PDZD2: variants seen among roughly 807,000 people sequenced by gnomAD.
PDZD2 encodes the protein PDZ domain-containing protein 2.
In PDZD2, 90 loss-of-function variants were observed where a neutral mutation model predicts 220.7. The ratio of observed to expected loss-of-function variants is 0.41; its 90% CI spans 0.34 to 0.49. PDZD2 has a LOEUF of 0.49. Among genes scored for constraint, PDZD2 ranks in the 20% least tolerant of loss-of-function variants. The pLI is 0.28. For missense variants in PDZD2, 3,174 were observed against 3,608.5 expected (o/e 0.88, Z 3.08); for synonymous variants, 1,375 against 1,450.5 (o/e 0.95, Z 1.18).
At chr5:31,881,342 G>A (rs1259612179) in intron 2 of PDZD2, among the ~76,000 whole-genome samples, 9 of 136,118 alleles carry the variant, frequency 6.6e-5, no homozygotes, top group Middle Eastern at 3.5e-3. Context: ...GTGTGTGTGT[G>A]TGTGTGTGTG....
chr5:31,987,953 T>C (rs1750842481), intron 3 of PDZD2, among the ~76,000 whole-genome samples: 1 of 152,184 alleles, frequency 6.6e-6, no homozygotes, highest in African/African-American at 2.4e-5. Context: ...CCTTTTGAAA[T>C]CCTGCAGCTC....
intron 2 of PDZD2, among the ~76,000 whole-genome samples, chr5:31,977,909 G>C (rs781523883): frequency 6.6e-5 from 10 of 152,194 alleles, no homozygotes; most frequent in Non-Finnish European, 1.2e-4. Context: ...GGGAGGTGGA[G>C]GCTGCAGTGA....
At chr5:31,702,817 G>A (rs1244863215) in intron 1 of PDZD2, among the ~76,000 whole-genome samples, 1 of 152,234 alleles carries the variant, frequency 6.6e-6, no homozygotes, top group Non-Finnish European at 1.5e-5. Context: ...ACCAGTGGCT[G>A]TTGCTAACAG....
At chr5:31,809,978 C>T (rs1250292049) in intron 2 of PDZD2, among the ~76,000 whole-genome samples, 1 of 152,166 alleles carries the variant, frequency 6.6e-6, no homozygotes, top group Non-Finnish European at 1.5e-5. Flanking sequence ...AACCCAAATA[C>T]CTACATAAGA....
intron 2 of PDZD2, chr5:31,923,312 T>G (rs1277003398): frequency 1.9e-5 from 13 of 699,994 alleles, no homozygotes; most frequent in Non-Finnish European, 3.3e-5. Context: ...CCCTTTCGGA[T>G]TCCCGATGCG....
intron 1 of PDZD2, among the ~76,000 whole-genome samples, chr5:31,668,510 C>T (rs1746090813): frequency 6.6e-6 from 1 of 152,196 alleles, no homozygotes; most frequent in Admixed American, 6.5e-5. Context: ...GCTAATAAAT[C>T]CTTTGAAATC....
chr5:31,703,636 A>T (rs565152589), intron 1 of PDZD2, among the ~76,000 whole-genome samples: 1 of 152,096 alleles, frequency 6.6e-6, no homozygotes, highest in Non-Finnish European at 1.5e-5. Context: ...AACTTTAATT[A>T]AAAAAAGAAA....
At chr5:31,784,569 G>T (rs1425962978) in intron 1 of PDZD2, among the ~76,000 whole-genome samples, 4 of 152,156 alleles carry the variant, frequency 2.6e-5, no homozygotes, top group African/African-American at 9.7e-5. Flanking sequence ...ATAGAAGGGG[G>T]GTGGTCAGTG....
rs78063808 is a variant in PDZD2 at position 32,041,109 on chromosome 5, C to G, written c.1519+3767C>G. Among the ~76,000 whole-genome samples the G allele has an allele frequency of 1.4e-5, 2 of 142,178 alleles. 1 individual carries two copies. The highest frequency in any genetic ancestry group is 3.0e-5 in the Non-Finnish European group (2 of 65,906). 93.3% of individuals were successfully genotyped at this position (142,178 alleles called of 152,430 possible). A position where few individuals can be genotyped will look rare whatever the true frequency, so the allele number is the denominator to read the frequency against. Reference sequence around the variant, plus strand: ...GCCGCCCCATCTAGGAAGCGGGGAGCGCCTCTGCCCGGCCGCCCCGTCTGG... The same window carrying G: ...GCCGCCCCATCTAGGAAGCGGGGAGGGCCTCTGCCCGGCCGCCCCGTCTGG... On this transcript the variant is annotated intron_variant, in intron 7 of 24. Transcript: ENST00000438447.
At chr5:31,929,961 G>T (rs1405238872) in intron 2 of PDZD2, among the ~76,000 whole-genome samples, 2 of 152,082 alleles carry the variant, frequency 1.3e-5, no homozygotes, top group Non-Finnish European at 2.9e-5. Flanking sequence ...GTGAGTTCTT[G>T]CTTAGTTAAT....
chr5:31,659,131 C>A lies in PDZD2; in HGVS notation c.-361+19694C>A, dbSNP rs141735265. Among the ~76,000 whole-genome samples, 270 of 152,278 alleles carry A rather than the reference C, an allele frequency of 1.8e-3. 5 individuals carry two copies. In the East Asian group the frequency reaches 0.033, roughly 19 times the overall value. ...CTCTGACACCACTTCTCAGACACTG[C>A]TTTTCTCCTACCTCTTTAAATAATA... On this transcript the variant is annotated intron_variant, in intron 1 of 24. Transcript: ENST00000438447.
intron 2 of PDZD2, among the ~76,000 whole-genome samples, chr5:31,952,306 A>T (rs879707460): frequency 2.0e-5 from 3 of 152,212 alleles, no homozygotes; most frequent in Non-Finnish European, 4.4e-5. Context: ...TGAAATAATT[A>T]TGTGATGGGA....
At chr5:32,036,860 G>A (rs73072266) in intron 6 of PDZD2, among the ~76,000 whole-genome samples, 2,461 of 152,366 alleles carry the variant, frequency 0.016, 64 homozygotes, top group African/African-American at 0.056. Flanking sequence ...GGCTTGCGTT[G>A]TAGCTTTGTC....
At chr5:31,707,374 T>C (rs772885734) in intron 1 of PDZD2, among the ~76,000 whole-genome samples, 42 of 151,640 alleles carry the variant, frequency 2.8e-4, no homozygotes, top group Admixed American at 3.9e-4. Context: ...GAAGAAGAGG[T>C]AGAGAAACCA....
At chr5:32,070,523 C>T (rs1740638897) in intron 15 of PDZD2, among the ~76,000 whole-genome samples, 1 of 152,194 alleles carries the variant, frequency 6.6e-6, no homozygotes, top group Admixed American at 6.5e-5. Flanking sequence ...GTCCCTTCTG[C>T]TTCATGGCAT....
At chr5:31,923,015 G>A (rs62363760) in intron 2 of PDZD2, among the ~76,000 whole-genome samples, 10,276 of 151,732 alleles carry the variant, frequency 0.068, 359 homozygotes, top group Non-Finnish European at 0.076. Flanking sequence ...CTTGCAGGCC[G>A]GGCGTGGTGG....
chr5:32,084,015 C>A, intron 19 of PDZD2, among the ~76,000 whole-genome samples: 1 of 152,164 alleles, frequency 6.6e-6, no homozygotes, highest in Non-Finnish European at 1.5e-5. Context: ...AAATCCCCTC[C>A]TTTTGTGTCA....
At chr5:31,846,209 C>T (rs1218368473) in intron 2 of PDZD2, among the ~76,000 whole-genome samples, 1 of 152,240 alleles carries the variant, frequency 6.6e-6, no homozygotes, top group Non-Finnish European at 1.5e-5. Flanking sequence ...TCTCGCCTCA[C>T]TGCAACCTCC....
chr5:31,746,593 T>A (rs987050515), intron 1 of PDZD2, among the ~76,000 whole-genome samples: 7 of 152,042 alleles, frequency 4.6e-5, no homozygotes, highest in Admixed American at 4.6e-4. Flanking sequence ...GTAAAAGGGG[T>A]GCTATTATCC....
Sources: gnomAD v4.1 joint callset for allele counts (sites outside exome capture counted in the v4.1 genomes callset) on GRCh38, gnomAD v4.1.1 for gene constraint, MANE v1.5 for transcripts, NCBI Gene and HGNC (gene_info 2026-07-23, HGNC 2026-07-21) for gene names.